DDHD2: variants seen among roughly 807,000 people sequenced by gnomAD.
DDHD2 encodes the protein triacylglycerol hydrolase DDHD2.
A neutral mutation model predicts 91.2 loss-of-function variants in DDHD2; 62 were observed. The ratio of observed to expected loss-of-function variants is 0.68; its 90% CI spans 0.55 to 0.84. The LOEUF is 0.84. Ranked by LOEUF, DDHD2 falls within the 40% of genes least tolerant of loss-of-function variation. The pLI, the probability that DDHD2 is intolerant of heterozygous loss-of-function variation, is 0.00. For missense variants in DDHD2, 740 were observed against 846.9 expected (o/e 0.87, Z 1.57); for synonymous variants, 271 against 293.9 (o/e 0.92, Z 0.80).
chr8:38,252,195 A>G lies in DDHD2; in HGVS notation c.1525A>G (p.Ile509Val), dbSNP rs781175855. Residue 509 changes from isoleucine to valine, a missense_variant, in exon 13 of 18, where the codon ATT becomes GTT. By Grantham distance (29) the Ile-to-Val change is conservative. Around this residue, in one of 2 missense-constraint regions of DDHD2, gnomAD observed 693 missense variants for 764.2 expected, o/e 0.91. Coordinates refer to ENST00000397166, the MANE Select transcript of DDHD2 (RefSeq NM_015214.3). ...GATATTCTTTGCCTTTGGATCTCCC[A>G]TTGGAATGTTCCTTACTGTCCGAGG... ...PEIFFAFGSP[I>V]GMFLTVRGLK... 1 of 1,614,196 alleles carries G rather than the reference A, an allele frequency of 6.2e-7. No individual in the cohort carries two copies. Among genetic ancestry groups the G allele is most frequent in the South Asian group, 1.1e-5 (1 of 91,080 alleles).
In DDHD2 at chr8:38,249,782, C is replaced by T. The variant is rs1183950102; in HGVS notation, c.1323C>T (p.Phe441=). 6.2e-7 allele frequency: 1 copy of T among 1,610,636 alleles called. No individual in the cohort carries two copies. Among genetic ancestry groups the T allele is most frequent in the Non-Finnish European group, 8.5e-7 (1 of 1,177,480 alleles). ...LGPRKKILNY[F]STRKNSMGIK... is the part of the protein sequence containing the mutation. ...CAAGAAAGAAGATATTAAACTATTT[C>T]AGCACCAGAAAAAACTCAATGGTAT... Residue 441 remains phenylalanine, a synonymous_variant, in exon 11 of 18, where the codon TTC becomes TTT. Transcript: ENST00000397166.
rs1382582867 is a variant in DDHD2 at position 38,260,730 on chromosome 8, CCT to C, written c.*160_*161del. 2 of 152,568 alleles carry C rather than the reference CCT, an allele frequency of 1.3e-5. No homozygotes were observed. The highest frequency in any genetic ancestry group is 2.9e-5 in the Non-Finnish European group (2 of 68,058). The allele number at this position is 152,568 out of a possible 1,614,324, so 9.5% of individuals were successfully genotyped here. A position where few individuals can be genotyped will look rare whatever the true frequency, so the allele number is the denominator to read the frequency against. On this transcript the variant is annotated 3_prime_UTR_variant, in exon 18 of 18. Transcript: ENST00000397166. ...ACTGGGGTCTTTGGAAGATAATCTT[CCT>C]CTTTGGAAATGAATGGAAAAGCAAA...
chr8:38,267,365 C>A, downstream of DDHD2: 1 of 1,613,794 alleles, frequency 6.2e-7, no homozygotes, highest in Non-Finnish European at 8.5e-7. Context: ...ATCAGGGAAG[C>A]AGCGGTAGAA....
At chr8:38,260,309 A>T (rs1405171830) in intron 17 of DDHD2, 162 bp downstream of exon 17, 1 of 496,718 alleles carries the variant, frequency 2.0e-6, no homozygotes, top group Non-Finnish European at 3.6e-6. Context: ...TTCATGGGGA[A>T]AAAAACACAG....
At chr8:38,272,340 G>A (rs1392254637), downstream of DDHD2, 1 of 152,154 alleles carries the variant, frequency 6.6e-6, no homozygotes, top group African/African-American at 2.4e-5. Flanking sequence ...GTGGGAACTT[G>A]TTAAAACAAA....
intron 1 of DDHD2, chr8:38,268,943 T>G: frequency 6.4e-7 from 1 of 1,559,916 alleles, no homozygotes; most frequent in Non-Finnish European, 8.6e-7. Context: ...GAGCCACATC[T>G]CCTCCGGCTG....
chr8:38,239,093 G>C (rs1287356374), intron 5 of DDHD2: 2 of 152,092 alleles, frequency 1.3e-5, no homozygotes, highest in Non-Finnish European at 2.9e-5. Context: ...TAAAAACCTG[G>C]CTGCACGTGG....
chr8:38,241,983 G>A (rs772714765), intron 6 of DDHD2: 9 of 315,018 alleles, frequency 2.9e-5, no homozygotes, highest in African/African-American at 6.7e-5. Context: ...AAACCAGTGA[G>A]GTGGAGGCTG....
chr8:38,237,598 A>G lies in DDHD2; in HGVS notation c.472A>G (p.Arg158Gly). The change falls in exon 4 of 18, where the codon AGA becomes GGA. Residue 158 changes from arginine to glycine, a missense_variant. Coordinates refer to ENST00000397166, the MANE Select transcript of DDHD2 (RefSeq NM_015214.3). ...GAAAAAGAAACTGGAATCTCCCAACAGAGAAATTATTATTTTACACAATCC... is the reference window on the plus strand; with the variant it reads ...GAAAAAGAAACTGGAATCTCCCAACGGAGAAATTATTATTTTACACAATCC... ...EWKKKLESPN[R>G]EIIILHNPKL... The G allele has an allele frequency of 6.3e-7, 1 of 1,589,208 alleles. No individual in the cohort carries two copies. The highest frequency in any genetic ancestry group is 1.4e-5 in the African/African-American group (1 of 74,036).
chr8:38,267,307 C>G (rs1585812622), downstream of DDHD2: 2 of 1,614,040 alleles, frequency 1.2e-6, no homozygotes, highest in East Asian at 2.2e-5. Context: ...GGCCCTCATT[C>G]ACCACGTCCT....
chr8:38,268,912 C>T (rs886811059), intron 1 of DDHD2: 2 of 1,558,648 alleles, frequency 1.3e-6, no homozygotes, highest in Non-Finnish European at 1.7e-6. Flanking sequence ...AATACTCCGC[C>T]TCCACGTAGG....
chr8:38,257,524 C>T (rs1343825750), intron 16 of DDHD2, among the ~76,000 whole-genome samples: 1 of 151,864 alleles, frequency 6.6e-6, no homozygotes, highest in Non-Finnish European at 1.5e-5. Flanking sequence ...GCTGGGATTA[C>T]AGGCATGAGC....
chr8:38,249,214 G>T (rs960416925), intron 10 of DDHD2, among the ~76,000 whole-genome samples: 1 of 151,692 alleles, frequency 6.6e-6, no homozygotes, highest in Non-Finnish European at 1.5e-5. Flanking sequence ...CCGGGTTCAC[G>T]CCATTCTCCT....
chr8:38,246,145 A>C (rs111363444), intron 8 of DDHD2, 88 bp from the exon 9 acceptor site: 11 of 1,128,046 alleles, frequency 9.8e-6, no homozygotes, highest in African/African-American at 3.1e-5. Context: ...TTGCTTACAT[A>C]TGTAATTGGC....
In DDHD2 at chr8:38,252,316, A is replaced by C. The variant is rs762253739; in HGVS notation, c.1617+29A>C. 6 of 1,575,704 alleles carry C rather than the reference A, an allele frequency of 3.8e-6. No homozygotes were observed. The Admixed American group carries it at 1.2e-4, about 31-fold the overall frequency. ...AGCATTGTACAGCTATTGTGGTTTT[A>C]CCTAAATATCAGGGCTTATTGTTAA... On this transcript the variant is annotated intron_variant, in intron 13 of 17. Coordinates refer to ENST00000397166, the MANE Select transcript of DDHD2 (RefSeq NM_015214.3).
intron 7 of DDHD2, among the ~76,000 whole-genome samples, chr8:38,243,770 A>G (rs1032238430): frequency 6.6e-6 from 1 of 150,544 alleles, no homozygotes; most frequent in African/African-American, 2.4e-5. Context: ...TGCTGGGACT[A>G]CAGGCATGTG....
downstream of DDHD2, chr8:38,273,494 A>G (rs1563338121): frequency 6.6e-6 from 1 of 152,208 alleles, no homozygotes. Context: ...AAGTCTTTAG[A>G]TAGTAAATAG....
In DDHD2 at chr8:38,234,536, A is replaced by C; in HGVS notation, c.363A>C (p.Lys121Asn). 6.2e-7 allele frequency: 1 copy of C among 1,612,996 alleles called. No homozygotes were observed. The highest frequency in any genetic ancestry group is 8.5e-7 in the Non-Finnish European group (1 of 1,179,880). ...GTACGTGGTTTTACAAGGGGGACAA[A>C]GACAATAAGTATGTTCCCTACTCGG... ...RRCTWFYKGD[K>N]DNKYVPYSES... The change falls in exon 3 of 18, where the codon AAA (lysine) becomes AAC (asparagine). Residue 121 changes from lysine to asparagine, a missense_variant. Around this residue, in one of 2 missense-constraint regions of DDHD2, gnomAD observed 693 missense variants for 764.2 expected, o/e 0.91. Coordinates refer to ENST00000397166, the MANE Select transcript of DDHD2 (RefSeq NM_015214.3).
In DDHD2 at chr8:38,249,045, C is replaced by T. The variant is rs770004342; in HGVS notation, c.1249-663C>T. Among the ~76,000 whole-genome samples the T allele has an allele frequency of 3.3e-5, 5 of 151,856 alleles. No homozygotes were observed. In the East Asian group the frequency reaches 5.8e-4, roughly 18 times the overall value. On this transcript the variant is annotated intron_variant, in intron 10 of 17. Transcript: ENST00000397166. ...GTATGTTCTCAGTGCTTGCGTTCAT[C>T]AGCAGGAGTATAATCCTTCTCAGGC...
Sources: gnomAD v4.1 joint callset for allele counts (sites outside exome capture counted in the v4.1 genomes callset) on GRCh38, gnomAD v4.1.1 for gene constraint, gnomAD v4.1.1 regional missense constraint, MANE v1.5 for transcripts, NCBI Gene and HGNC (gene_info 2026-07-23, HGNC 2026-07-21) for gene names.